ZNF420: variants seen among roughly 807,000 people sequenced by gnomAD.
ZNF420 encodes the protein zinc finger protein 420, also known as ATM and p53-associated KZNF protein.
A neutral mutation model predicts 44.7 loss-of-function variants in ZNF420; 31 were observed. That is an observed-to-expected ratio of 0.69 (90% CI 0.52 to 0.94). The LOEUF (loss-of-function observed/expected upper bound fraction) is 0.94, where lower values mean the gene tolerates loss of function less well. Ranked by LOEUF, ZNF420 falls within the 40% of genes least tolerant of loss-of-function variation. The pLI is 0.00. For synonymous variants in ZNF420, 245 were observed against 267.4 expected (o/e 0.92, Z 0.82); for missense variants, 681 against 827.9 (o/e 0.82, Z 2.18).
intron 2 of ZNF420, among the ~76,000 whole-genome samples, chr19:37,085,504 C>A (rs1215549275): frequency 6.6e-6 from 1 of 152,136 alleles, no homozygotes; most frequent in African/African-American, 2.4e-5. Context: ...AGACTTGGTG[C>A]ACTTCTAGTG....
upstream of ZNF420, among the ~76,000 whole-genome samples, chr19:37,077,440 G>A (rs1455513141): frequency 6.6e-6 from 1 of 152,084 alleles, no homozygotes; most frequent in Non-Finnish European, 1.5e-5. Context: ...CAGAGGAAAA[G>A]GCAGTTACCC....
intron 1 of ZNF420, among the ~76,000 whole-genome samples, chr19:37,028,089 G>C (rs1025382729): frequency 2.6e-5 from 4 of 152,172 alleles, no homozygotes; most frequent in African/African-American, 7.2e-5. Context: ...ACCAGCATTT[G>C]GTGGTGTCAG....
intron 1 of ZNF420, among the ~76,000 whole-genome samples, chr19:37,072,947 TG>T (rs1365075696): frequency 6.6e-6 from 1 of 152,246 alleles, no homozygotes; most frequent in Non-Finnish European, 1.5e-5. Context: ...CAAAATAGTA[TG>T]TAGTAAGTGA....
chr19:37,119,218 G>A (rs1599716810), intron 4 of ZNF420, among the ~76,000 whole-genome samples: 1 of 151,950 alleles, frequency 6.6e-6, no homozygotes, highest in African/African-American at 2.4e-5. Flanking sequence ...CACATAGTTC[G>A]AAGTAAAGCT....
rs554910188 is a variant in ZNF420 at position 37,113,545 on chromosome 19, C to T, written c.137-13583C>T. Among the ~76,000 whole-genome samples, 14 of 152,232 alleles carry T rather than the reference C, an allele frequency of 9.2e-5. 1 individual carries two copies. In the South Asian group the frequency reaches 2.1e-3, roughly 23 times the overall value. On this transcript the variant is annotated intron_variant, in intron 4 of 4. Transcript: ENST00000337995. The stretch of plus-strand genomic sequence containing the variant: ...TGCCATCAACTCCACTATGACCTTA[C>T]GGGCATTCTCATTGGTAATTGACTT...
At chr19:37,074,679 G>C (rs1968117113), upstream of ZNF420, among the ~76,000 whole-genome samples, 2 of 152,114 alleles carry the variant, frequency 1.3e-5, no homozygotes, top group African/African-American at 4.8e-5. Flanking sequence ...ATGATATCGA[G>C]GTTATGCAGG....
At chr19:37,086,365 C>G (rs1490013297) in intron 2 of ZNF420, among the ~76,000 whole-genome samples, 1 of 152,110 alleles carries the variant, frequency 6.6e-6, no homozygotes. Flanking sequence ...AATTAAGTGA[C>G]TACTAAGTGA....
chr19:37,054,122 A>G (rs1488274881), intron 1 of ZNF420, among the ~76,000 whole-genome samples: 1 of 152,152 alleles, frequency 6.6e-6, no homozygotes, highest in African/African-American at 2.4e-5. Context: ...CGTGCTAGCA[A>G]TGAGCAAGGC....
chr19:37,126,426 G>A (rs1971349517), intron 4 of ZNF420, among the ~76,000 whole-genome samples: 1 of 152,120 alleles, frequency 6.6e-6, no homozygotes, highest in Admixed American at 6.5e-5. Flanking sequence ...AGATACATAA[G>A]CAAGGAGAAG....
chr19:37,101,750 A>G (rs1421974468), intron 4 of ZNF420, among the ~76,000 whole-genome samples: 6 of 152,202 alleles, frequency 3.9e-5, no homozygotes, highest in Non-Finnish European at 8.8e-5. Context: ...CTGGTGCTGT[A>G]TGGGAGTCCA....
chr19:37,085,621 C>G (rs1968716041), intron 2 of ZNF420, among the ~76,000 whole-genome samples: 1 of 152,200 alleles, frequency 6.6e-6, no homozygotes, highest in Admixed American at 6.5e-5. Flanking sequence ...ATTAGGAGGC[C>G]TCTTTATCAG....
chr19:37,065,771 T>C (rs12327654), intron 1 of ZNF420, among the ~76,000 whole-genome samples: 1 of 152,214 alleles, frequency 6.6e-6, no homozygotes, highest in Non-Finnish European at 1.5e-5. Context: ...TGTGGTAATT[T>C]GATACAAGAA....
intron 1 of ZNF420, among the ~76,000 whole-genome samples, chr19:37,011,914 GC>G (rs2074572316): frequency 6.6e-6 from 1 of 152,182 alleles, no homozygotes; most frequent in Non-Finnish European, 1.5e-5. Flanking sequence ...AGCGGAACAG[GC>G]CACTGCTCCT....
chr19:37,075,314 T>A (rs1568438051), upstream of ZNF420: 1 of 152,232 alleles, frequency 6.6e-6, no homozygotes. Context: ...TCCTAAGGTG[T>A]AAGTTTTTCT....
intron 4 of ZNF420, among the ~76,000 whole-genome samples, chr19:37,125,546 A>T (rs1236682495): frequency 6.6e-6 from 1 of 152,186 alleles, no homozygotes; most frequent in African/African-American, 2.4e-5. Flanking sequence ...AAGGGTATTT[A>T]GGAGTGACAG....
intron 1 of ZNF420, among the ~76,000 whole-genome samples, chr19:37,071,910 C>G (rs1325970672): frequency 6.6e-6 from 1 of 152,132 alleles, no homozygotes; most frequent in African/African-American, 2.4e-5. Flanking sequence ...TGTATCTACT[C>G]TATATTTAAT....
intron 4 of ZNF420, chr19:37,115,149 TCGAGCGTA>T (rs1262264596): frequency 5.7e-6 from 1 of 175,904 alleles, no homozygotes; most frequent in Non-Finnish European, 1.2e-5. Flanking sequence ...TTGACCACGC[TCGAGCGTA>T]CCTTCACCCT....
chr19:37,090,234 G>T (rs1969052926), intron 3 of ZNF420, among the ~76,000 whole-genome samples: 1 of 152,204 alleles, frequency 6.6e-6, no homozygotes, highest in Non-Finnish European at 1.5e-5. Context: ...GCCAGGTGCA[G>T]TGGCTCACAC....
chr19:37,011,253 G>A (rs2074566970), intron 1 of ZNF420, among the ~76,000 whole-genome samples: 1 of 152,206 alleles, frequency 6.6e-6, no homozygotes, highest in Admixed American at 6.5e-5. Flanking sequence ...CTGGTGGATT[G>A]GGCAGGTTTG....
Sources: gnomAD v4.1 joint callset for allele counts (sites outside exome capture counted in the v4.1 genomes callset) on GRCh38, gnomAD v4.1.1 for gene constraint, MANE v1.5 for transcripts, NCBI Gene and HGNC (gene_info 2026-07-23, HGNC 2026-07-21) for gene names.